CRLF1: variants seen among roughly 807,000 people sequenced by gnomAD.
CRLF1 encodes cytokine receptor like factor 1.
CRLF1 carries 36 observed loss-of-function variants against 48.9 expected under a neutral mutation model. That is an observed-to-expected ratio of 0.74 (90% confidence interval 0.56 to 0.97). The LOEUF is 0.97. Ranked by LOEUF, CRLF1 falls within the 50% of genes least tolerant of loss-of-function variation. The pLI, the probability that CRLF1 is intolerant of heterozygous loss-of-function variation, is 0.00. For missense variants in CRLF1, 534 were observed against 575.1 expected, an observed-to-expected ratio of 0.93 and a Z score of 0.73; for synonymous variants, 256 against 253.4, an observed-to-expected ratio of 1.01 and a Z score of -0.10.
intron 6 of CRLF1, 100 bp from the exon 7 acceptor site, chr19:18,594,534 G>A: frequency 4.4e-6 from 4 of 915,694 alleles, no homozygotes; most frequent in Non-Finnish European, 5.7e-6. Flanking sequence ...TGCTCCCCTC[G>A]GGGAACCTCC....
rs147124318 is a variant in CRLF1, at chr19:18,600,927, C to G, written c.116-1081G>C. 2.0e-5 allele frequency among the ~76,000 whole-genome samples: 3 copies of G among 152,130 alleles called. No individual in the cohort carries two copies. The South Asian group carries it at 6.2e-4, about 32-fold the overall frequency. On this transcript the variant is annotated intron_variant, in intron 1 of 8. Transcript: ENST00000392386. ...CAAGTGATCCTCCCTCATCTCAGCT[C>G]CCAAGTAGCTGGGACTACAGGTGTG...
intron 1 of CRLF1, among the ~76,000 whole-genome samples, chr19:18,604,527 A>T (rs1197802425): frequency 6.6e-6 from 1 of 152,214 alleles, no homozygotes; most frequent in African/African-American, 2.4e-5. Flanking sequence ...TCCAATGTCC[A>T]GAGGGCTCAG....
Position 18,593,409 on chromosome 19 carries a change from GAGTC to G in CRLF1, c.*153_*156del, listed in dbSNP as rs1483724487. The G allele has an allele frequency of 2.9e-5, 30 of 1,017,664 alleles. No homozygotes were observed. The highest frequency in any genetic ancestry group is 1.6e-4 in the East Asian group (6 of 38,186). 63.0% of individuals were successfully genotyped at this position (1,017,664 alleles called of 1,614,324 possible). On this transcript the variant is annotated 3_prime_UTR_variant, in exon 9 of 9. Transcript: ENST00000392386. ...TGCACCCAAAGGTGGCCTCACGTGG[GAGTC>G]AGAGCTGTTATGGCCGTTGGAGCTC...
chr19:18,606,628 G>GCGGCGGGGCCCCGGCGGC lies in CRLF1; in HGVS notation c.11_28dup (p.Gly4_Ala9dup), dbSNP rs1218837325. The GCGGCGGGGCCCCGGCGGC allele has an allele frequency of 4.9e-6, 5 of 1,015,330 alleles. No homozygotes were observed. In the African/African-American group the frequency reaches 8.7e-5, roughly 18 times the overall value. The allele number at this position is 1,015,330 out of a possible 1,614,324, so 62.9% of individuals were successfully genotyped here. ...CGGCGGCGGCCGCCGCGCGGATTGGGCGGCGGGGCCCCGGCGGCCGGCGGG... is the reference window on the plus strand; with the variant it reads ...CGGCGGCGGCCGCCGCGCGGATTGGGCGGCGGGGCCCCGGCGGCCGGCGGGGCCCCGGCGGCCGGCGGG... On this transcript the variant is annotated inframe_insertion, in exon 1 of 9. Coordinates refer to ENST00000392386, the MANE Select transcript of CRLF1 (RefSeq NM_004750.5). This position sits in a 1 kb window ranked among gnomAD's most constrained non-coding sequence, Gnocchi z 4.8.
intron 1 of CRLF1, among the ~76,000 whole-genome samples, chr19:18,604,485 T>C (rs995500469): frequency 1.3e-5 from 2 of 152,234 alleles, no homozygotes; most frequent in African/African-American, 4.8e-5. Flanking sequence ...TACGTTCTAC[T>C]TGCTGGGGAG....
chr19:18,594,500 G>C, intron 6 of CRLF1, 66 bp from the exon 7 acceptor site: 8 of 1,213,942 alleles, frequency 6.6e-6, no homozygotes, highest in Non-Finnish European at 8.3e-6. Flanking sequence ...GCAGGAGAGG[G>C]GAGACCCCGG....
chr19:18,599,945 G>A lies in CRLF1; in HGVS notation c.116-99C>T, dbSNP rs531788615. On this transcript the variant is annotated intron_variant, in intron 1 of 8. Transcript: ENST00000392386. ...GGGTTCATGGTGGTCCTGAAAAGAC[G>A]CTGTTAATGATTGTCCCCCATTTTA... 131 of 1,245,520 alleles carry A rather than the reference G, an allele frequency of 1.1e-4. No individual in the cohort carries two copies. The Admixed American group carries it at 1.3e-3, about 12-fold the overall frequency. The allele number at this position is 1,245,520 out of a possible 1,614,324, so 77.2% of individuals were successfully genotyped here.
intron 8 of CRLF1, 35 bp downstream of exon 8, chr19:18,594,030 G>GCGGGGGCCC: frequency 7.6e-7 from 1 of 1,315,312 alleles, no homozygotes; most frequent in Non-Finnish European, 1.1e-6. Flanking sequence ...CCCTCCCCTT[G>GCGGGGGCCC]CTCCCTCCCG....
At chr19:18,593,753 G>A (rs766163327) in intron 8 of CRLF1, 174 bp from the exon 9 acceptor site, 1 of 984,766 alleles carries the variant, frequency 1.0e-6, no homozygotes, top group Non-Finnish European at 1.2e-6. Flanking sequence ...TGCAGGTAAA[G>A]CACTTGGCGC....
intron 8 of CRLF1, 33 bp downstream of exon 8, chr19:18,594,032 T>TCCCCCC: frequency 1.3e-5 from 9 of 695,810 alleles, no homozygotes; most frequent in South Asian, 5.3e-5. Flanking sequence ...CTCCCCTTGC[T>TCCCCCC]CCCTCCCGCC....
chr19:18,596,163 A>C (rs1479276566), intron 6 of CRLF1, among the ~76,000 whole-genome samples: 1 of 152,208 alleles, frequency 6.6e-6, no homozygotes, highest in African/African-American at 2.4e-5. Context: ...TTTTCCAAAC[A>C]ACAGGCCAAA....
At position 18,606,730 on chromosome 19, in the gene CRLF1, G is replaced by A. The variant is rs1388517137; in HGVS notation, c.-74C>T. ...TGGCGCAGGGCGCGGGACGCAGGCC[G>A]GGCGCGGGAGGGCGCGGGCCAGGCC... On this transcript the variant is annotated 5_prime_UTR_variant, in exon 1 of 9. Coordinates refer to ENST00000392386, the MANE Select transcript of CRLF1 (RefSeq NM_004750.5). This position sits in a 1 kb window ranked among gnomAD's most constrained non-coding sequence, Gnocchi z 4.8. The A allele has an allele frequency of 5.6e-5, 9 of 161,286 alleles. No individual in the cohort carries two copies. Among genetic ancestry groups the A allele is most frequent in the Non-Finnish European group, 8.8e-5 (7 of 79,998 alleles). 10.0% of individuals were successfully genotyped at this position (161,286 alleles called of 1,614,324 possible).
intron 6 of CRLF1, 30 bp from the exon 7 acceptor site, chr19:18,594,464 G>A (rs1332318337): frequency 7.5e-7 from 1 of 1,325,744 alleles, no homozygotes; most frequent in Non-Finnish European, 9.6e-7. Flanking sequence ...CAGTGTCAGA[G>A]CGCGCCCGGC....
In CRLF1 at chr19:18,594,342, A is replaced by T. The variant is rs757742984; in HGVS notation, c.1117T>A (p.Trp373Arg). ...GAGCAGTACGCGTGCTTCTTGAGCCAGCCCAGGAACTGCTTGAGCTCGCGC... is the reference window on the plus strand; with the variant it reads ...GAGCAGTACGCGTGCTTCTTGAGCCTGCCCAGGAACTGCTTGAGCTCGCGC... Reference protein sequence around the residue: ...VRRELKQFLGWLKKHAYCSNL... With the variant: ...VRRELKQFLGRLKKHAYCSNL... Residue 373 changes from tryptophan (W) to arginine (R), a missense_variant, in exon 7 of 9, where the codon TGG becomes AGG. Around this residue, in one of 2 missense-constraint regions of CRLF1, gnomAD observed 528 missense variants for 555.7 expected, o/e 0.95. Coordinates refer to ENST00000392386, the MANE Select transcript of CRLF1 (RefSeq NM_004750.5). The T allele has an allele frequency of 6.2e-7, 1 of 1,612,242 alleles. No individual in the cohort carries two copies. The highest frequency in any genetic ancestry group is 8.5e-7 in the Non-Finnish European group (1 of 1,179,780).
rs767530836 is a variant in CRLF1 at position 18,599,636 on chromosome 19, C to T, written c.326G>A (p.Arg109Gln). 38 of 1,613,374 alleles carry T rather than the reference C, an allele frequency of 2.4e-5. No homozygotes were observed. Among genetic ancestry groups the T allele is most frequent in the South Asian group, 1.3e-4 (12 of 91,072 alleles). ...GTGGCACACGAGGTTGTCCCCCGAC[C>T]GCTGCCTGGACCCATTGAGGTTGGC... is the stretch of plus-strand genomic sequence containing the variant. ...ALANLNGSRQ[R>Q]SGDNLVCHAR... The change falls in exon 2 of 9, where the codon CGG becomes CAG. Residue 109 changes from arginine (R) to glutamine (Q), a missense_variant. Coordinates refer to ENST00000392386, the MANE Select transcript of CRLF1 (RefSeq NM_004750.5).
At chr19:18,597,604 G>T (rs11881564) in intron 4 of CRLF1, among the ~76,000 whole-genome samples, 19,168 of 151,598 alleles carry the variant, frequency 0.13, 3,172 homozygotes, top group African/African-American at 0.38. Context: ...TAAATTGTTT[G>T]TATTTTTAGT....
At chr19:18,594,032 T>TTGGGCAC in intron 8 of CRLF1, 33 bp downstream of exon 8, 4 of 695,806 alleles carry the variant, frequency 5.7e-6, no homozygotes, top group Non-Finnish European at 8.8e-6. Context: ...CTCCCCTTGC[T>TTGGGCAC]CCCTCCCGCC....
rs1368511447 is a variant in CRLF1, at chr19:18,599,573, T to C, written c.389A>G (p.Tyr130Cys). 6.2e-7 allele frequency: 1 copy of C among 1,612,108 alleles called. No individual in the cohort carries two copies. The highest frequency in any genetic ancestry group is 2.2e-5 in the East Asian group (1 of 44,884). ...DGSILAGSCL[Y>C]VGLPPEKPVN... ...CCTGGGTGCCAACTTACGGCCAACA[T>C]AGAGGCAGGAGCCAGCCAGGATGCT... Residue 130 changes from tyrosine to cysteine, a missense_variant, in exon 2 of 9, where the codon TAT (tyrosine) becomes TGT (cysteine). Transcript: ENST00000392386.
intron 4 of CRLF1, 58 bp from the exon 5 acceptor site, chr19:18,597,107 A>G (rs1340046855): frequency 3.2e-6 from 5 of 1,564,072 alleles, no homozygotes; most frequent in East Asian, 4.6e-5. Context: ...AACTCCCCCC[A>G]GCAGTGTGGC....
Sources: allele counts gnomAD v4.1 joint callset (sites outside exome capture counted in the v4.1 genomes callset), GRCh38; gene constraint gnomAD v4.1.1; regional missense constraint gnomAD v4.1.1; non-coding constraint Gnocchi (gnomAD v3.1); transcripts MANE v1.5; gene names NCBI Gene and HGNC (gene_info 2026-07-23, HGNC 2026-07-21).